The following OGG1 variants were observed in gnomAD, a reference collection of about 807,000 sequenced individuals.
OGG1 encodes the protein 8-oxoguanine DNA glycosylase, also known as N-glycosylase/DNA lyase.
In OGG1, 35 loss-of-function variants were observed where a neutral mutation model predicts 42.3. The observed-to-expected ratio is 0.83, with a 90% CI of 0.63 to 1.10. The LOEUF (loss-of-function observed/expected upper bound fraction) is 1.10, where lower values mean the gene tolerates loss of function less well. Ranked by LOEUF, OGG1 falls within the 50% of genes least tolerant of loss-of-function variation. OGG1 has a pLI of 0.00. For synonymous variants in OGG1, 189 were observed against 179.0 expected, an observed-to-expected ratio of 1.06 and a Z score of -0.44; for missense variants, 484 against 446.7, an observed-to-expected ratio of 1.08 and a Z score of -0.75.
At position 9,750,012 on chromosome 3, in the gene OGG1, C is replaced by G. The variant is rs951109117; in HGVS notation, c.-275C>G. On this transcript the variant is annotated 5_prime_UTR_variant, in exon 1 of 7. Transcript: ENST00000344629. ...GAACACAGCTGTGCGCGCCCACAGGCTCTGGGGGCGGGAGAAGATAAGTCG... is the reference window on the plus strand; with the variant it reads ...GAACACAGCTGTGCGCGCCCACAGGGTCTGGGGGCGGGAGAAGATAAGTCG... 2 of 516,946 alleles carry G rather than the reference C, an allele frequency of 3.9e-6. No individual in the cohort carries two copies. The highest frequency in any genetic ancestry group is 6.9e-6 in the Non-Finnish European group (2 of 287,800). The allele number at this position is 516,946 out of a possible 1,614,324, so 32.0% of individuals were successfully genotyped here.
chr3:9,789,451 C>T, downstream of OGG1: 1 of 1,503,602 alleles, frequency 6.7e-7, no homozygotes, highest in Non-Finnish European at 9.2e-7. Flanking sequence ...CTTTACTTCT[C>T]AGGCACCTCT....
At chr3:9,778,753 A>G (rs952270837) in intron 2 of OGG1, among the ~76,000 whole-genome samples, 1 of 152,126 alleles carries the variant, frequency 6.6e-6, no homozygotes, top group Non-Finnish European at 1.5e-5. Flanking sequence ...TCTGGGACTA[A>G]TCATTGTGGC....
In OGG1 at chr3:9,764,628, G is replaced by GT. The variant is rs55972033; in HGVS notation, c.1049-1164dup. 4.5e-3 allele frequency among the ~76,000 whole-genome samples: 418 copies of GT among 92,298 alleles called. 3 individuals are homozygous for GT. The highest frequency in any genetic ancestry group is 0.017 in the Middle Eastern group (2 of 120). 60.6% of individuals were successfully genotyped at this position (92,298 alleles called of 152,430 possible). On this transcript the variant is annotated intron_variant, in intron 7 of 7. Coordinates refer to the OGG1 transcript ENST00000302008. ...CGCCTGGCGTTTTTGTTTTTTTTTT[G>GT]TTTTTTTTTTTTTTTTTGAGATGGA...
chr3:9,782,158 C>T (rs2078484461), intron 3 of OGG1, among the ~76,000 whole-genome samples: 1 of 152,174 alleles, frequency 6.6e-6, no homozygotes, highest in Non-Finnish European at 1.5e-5. Context: ...ACTTCTGTAA[C>T]TGCACATGCC....
At chr3:9,759,715 G>T (rs1357998594), downstream of OGG1, 1 of 1,613,930 alleles carries the variant, frequency 6.2e-7, no homozygotes, top group African/African-American at 1.3e-5. Flanking sequence ...CTTTTCTCTG[G>T]GTCCTTCTCC....
chr3:9,756,338 A>G (rs1575206330), intron 4 of OGG1, 133 bp from the exon 5 acceptor site: 6 of 855,596 alleles, frequency 7.0e-6, no homozygotes, highest in African/African-American at 3.3e-5. Context: ...CATAGATAGT[A>G]TCTGTTGATT....
downstream of OGG1, chr3:9,790,012 A>G (rs375892705): frequency 6.5e-6 from 10 of 1,532,184 alleles, no homozygotes; most frequent in African/African-American, 8.3e-5. Flanking sequence ...AAAACACAGA[A>G]TATCTCTTTC....
chr3:9,768,451 C>T (rs771688719), downstream of OGG1, among the ~76,000 whole-genome samples: 2 of 152,230 alleles, frequency 1.3e-5, no homozygotes, highest in Non-Finnish European at 2.9e-5. Context: ...CAGCCTGGCC[C>T]TTCCTCTGCT....
rs980217685 is a variant in OGG1 at position 9,766,634 on chromosome 3, A to G, written c.*803A>G. 6 of 1,051,988 alleles carry G rather than the reference A, an allele frequency of 5.7e-6. No homozygotes were observed. The African/African-American group carries it at 1.0e-4, about 18-fold the overall frequency. 65.2% of individuals were successfully genotyped at this position (1,051,988 alleles called of 1,614,324 possible). A position where few individuals can be genotyped will look rare whatever the true frequency, so the allele number is the denominator to read the frequency against. ...AACAGGTTCTTAAAAAGGAACAAAT[A>G]AACTCATTTAACTAAAGTTAACTGA... On this transcript the variant is annotated 3_prime_UTR_variant, in exon 8 of 8. Coordinates refer to the OGG1 transcript ENST00000302008.
downstream of OGG1, chr3:9,789,949 C>A: frequency 6.2e-7 from 1 of 1,600,016 alleles, no homozygotes; most frequent in Non-Finnish European, 8.5e-7. Context: ...TCTTATCCTG[C>A]CAGTCGGTGA....
intron 3 of OGG1, among the ~76,000 whole-genome samples, chr3:9,785,949 T>G (rs1029020074): frequency 5.9e-5 from 9 of 151,954 alleles, no homozygotes; most frequent in Admixed American, 6.6e-5. Context: ...TTTGTTTTTT[T>G]TTTTTGAGAT....
intron 3 of OGG1, among the ~76,000 whole-genome samples, 185 bp from the exon 4 acceptor site, chr3:9,754,519 G>A (rs2077447207): frequency 6.6e-6 from 1 of 152,166 alleles, no homozygotes; most frequent in Non-Finnish European, 1.5e-5. Context: ...CATGTGTAGA[G>A]GGACAGGACC....
At chr3:9,759,915 C>T (rs1204411341), downstream of OGG1, 28 of 1,087,936 alleles carry the variant, frequency 2.6e-5, no homozygotes, top group Non-Finnish European at 3.3e-5. Context: ...GGCCCTCCCA[C>T]CCCGTGCCTT....
chr3:9,769,290 C>T (rs1388092408), downstream of OGG1, among the ~76,000 whole-genome samples: 1 of 151,954 alleles, frequency 6.6e-6, no homozygotes, highest in Admixed American at 6.6e-5. Flanking sequence ...CCTACACCCT[C>T]CAGCTCCTCT....
chr3:9,775,963 G>A (rs2078358244), intron 2 of OGG1, among the ~76,000 whole-genome samples: 1 of 152,178 alleles, frequency 6.6e-6, no homozygotes, highest in Non-Finnish European at 1.5e-5. Context: ...TGTTGATTCA[G>A]TAGGTCTGTG....
At chr3:9,776,388 C>CTTTTTTTTTTTTTTTTTTT (rs57504240) in intron 2 of OGG1, among the ~76,000 whole-genome samples, 9 of 121,116 alleles carry the variant, frequency 7.4e-5, no homozygotes, top group Non-Finnish European at 1.2e-4. Flanking sequence ...TTTTTCTTTT[C>CTTTTTTTTTTTTTTTTTTT]TTTTTTTTTT....
At chr3:9,757,682 G>A (rs1204108706), downstream of OGG1, 3 of 1,614,020 alleles carry the variant, frequency 1.9e-6, no homozygotes, top group Admixed American at 1.7e-5. The surrounding 1 kb of genome is among the most constrained non-coding windows in gnomAD (Gnocchi z 4.5). Context: ...CAGCCCGGGT[G>A]CACCTTTGTG....
chr3:9,753,461 C>T (rs1317423855), intron 3 of OGG1, among the ~76,000 whole-genome samples: 1 of 151,758 alleles, frequency 6.6e-6, no homozygotes, highest in African/African-American at 2.4e-5. Context: ...GACCATCCTG[C>T]CTAATACGGT....
intron 2 of OGG1, among the ~76,000 whole-genome samples, chr3:9,778,658 A>G (rs1481980031): frequency 6.6e-6 from 1 of 152,180 alleles, no homozygotes; most frequent in Non-Finnish European, 1.5e-5. Context: ...TTATGGTCCA[A>G]CAAGAAGTGG....
Sources: gnomAD v4.1 joint callset for allele counts (sites outside exome capture counted in the v4.1 genomes callset) on GRCh38, gnomAD v4.1.1 for gene constraint, Gnocchi (gnomAD v3.1) non-coding constraint, MANE v1.5 for transcripts, NCBI Gene and HGNC (gene_info 2026-07-23, HGNC 2026-07-21) for gene names.